RBFOX1: variants seen among roughly 807,000 people sequenced by gnomAD.
The protein encoded by RBFOX1 is RNA binding protein fox-1 homolog 1.
RBFOX1 carries 8 observed loss-of-function variants against 57.7 expected under a neutral mutation model. The ratio of observed to expected loss-of-function variants is 0.14; its 90% CI spans 0.08 to 0.25. The LOEUF (loss-of-function observed/expected upper bound fraction) is 0.25, where lower values mean the gene tolerates loss of function less well. Ranked by LOEUF, RBFOX1 falls within the 10% of genes least tolerant of loss-of-function variation. The probability of loss-of-function intolerance (pLI) is 1.00; values close to 1 mark genes in which losing one functional copy is unlikely to be tolerated. For missense variants in RBFOX1, 611 were observed against 548.5 expected (o/e 1.11, Z -1.14); for synonymous variants, 326 against 222.4 (o/e 1.47, Z -4.15).
At chr16:7,404,430 T>C (rs1017468139) in intron 4 of RBFOX1, among the ~76,000 whole-genome samples, 1 of 152,168 alleles carries the variant, frequency 6.6e-6, no homozygotes, top group Non-Finnish European at 1.5e-5. Context: ...TGACATCCAG[T>C]GATAGCTTCT....
chr16:6,769,659 T>G (rs62016072), intron 3 of RBFOX1, among the ~76,000 whole-genome samples: 13,680 of 152,236 alleles, frequency 0.09, 660 homozygotes, highest in Admixed American at 0.13. Flanking sequence ...AATACGAGTG[T>G]ATCTTCCATA....
At chr16:7,557,802 G>A (rs1241304793) in intron 5 of RBFOX1, among the ~76,000 whole-genome samples, 3 of 151,920 alleles carry the variant, frequency 2.0e-5, no homozygotes, top group African/African-American at 7.3e-5. Context: ...AGGAGCGGGA[G>A]AGGGCTCCAG....
At chr16:5,960,865 A>G (rs1001209744) in intron 4 of RBFOX1, among the ~76,000 whole-genome samples, 2 of 152,198 alleles carry the variant, frequency 1.3e-5, no homozygotes, top group Non-Finnish European at 2.9e-5. Context: ...ATGAAGATCA[A>G]TGGTGTTGAT....
At chr16:6,780,288 TA>T (rs1390709293) in intron 3 of RBFOX1, among the ~76,000 whole-genome samples, 2 of 44,618 alleles carry the variant, frequency 4.5e-5, no homozygotes, top group Non-Finnish European at 6.5e-5. Context: ...TATTTATACA[TA>T]TATATATTTA....
At chr16:5,914,100 G>T (rs777541209) in intron 4 of RBFOX1, among the ~76,000 whole-genome samples, 61 of 152,306 alleles carry the variant, frequency 4.0e-4, no homozygotes, top group Non-Finnish European at 6.9e-4. Context: ...GGACTTTCAA[G>T]CTGTGTTGTC....
intron 3 of RBFOX1, among the ~76,000 whole-genome samples, chr16:5,715,587 G>A (rs763940434): frequency 3.3e-5 from 5 of 152,232 alleles, no homozygotes; most frequent in Non-Finnish European, 5.9e-5. Flanking sequence ...GACATAGAAT[G>A]ATGAAATGTG....
chr16:6,504,533 C>T (rs115357306), intron 2 of RBFOX1, among the ~76,000 whole-genome samples: 1,572 of 152,204 alleles, frequency 0.01, 20 homozygotes, highest in African/African-American at 0.027. Flanking sequence ...CTCAAAGTAA[C>T]AGGGAGCTAG....
chr16:7,216,813 T>A (rs899479591), intron 4 of RBFOX1, among the ~76,000 whole-genome samples: 2 of 152,230 alleles, frequency 1.3e-5, no homozygotes, highest in Non-Finnish European at 2.9e-5. Context: ...TGGTAGTTAC[T>A]GTTTTTTCAC....
At chr16:7,601,890 C>A (rs1008631523) in intron 9 of RBFOX1, among the ~76,000 whole-genome samples, 3 of 152,148 alleles carry the variant, frequency 2.0e-5, no homozygotes, top group Non-Finnish European at 4.4e-5. Context: ...AAAGAATATT[C>A]AGTGAACCCA....
upstream of RBFOX1, among the ~76,000 whole-genome samples, chr16:6,018,119 T>C (rs866580574): frequency 6.8e-6 from 1 of 147,562 alleles, no homozygotes; most frequent in South Asian, 2.1e-4. Flanking sequence ...GACTTTATTG[T>C]ACAACAAAAC....
Position 6,822,889 on chromosome 16 carries a change from A to C in RBFOX1, c.-16+168239A>C, listed in dbSNP as rs139097534. Among the ~76,000 whole-genome samples, 21 of 152,336 alleles carry C rather than the reference A, an allele frequency of 1.4e-4. No homozygotes were observed. In the Middle Eastern group the frequency reaches 0.01, roughly 74 times the overall value. On this transcript the variant is annotated intron_variant, in intron 3 of 15. Transcript: ENST00000550418. ...TGGAACAGTGATTCACATAAAGGGCATGCATTAATATTAACAAGTGCGTGC... is the reference window on the plus strand; with the variant it reads ...TGGAACAGTGATTCACATAAAGGGCCTGCATTAATATTAACAAGTGCGTGC...
Position 6,251,654 on chromosome 16 carries a change from G to A in RBFOX1, c.-126-65341G>A, listed in dbSNP as rs557876041. On this transcript the variant is annotated intron_variant, in intron 1 of 15. Transcript: ENST00000550418. ...AGCAATGCCAGCTAAAACTCTGCTC[G>A]AAGCACAGAGTTTGGTGCATCAGTA... Among the ~76,000 whole-genome samples the A allele has an allele frequency of 1.2e-4, 19 of 152,168 alleles. 2 individuals are homozygous for A. Among genetic ancestry groups the A allele is most frequent in the South Asian group, 1.2e-3 (6 of 4,816 alleles).
intron 3 of RBFOX1, among the ~76,000 whole-genome samples, chr16:5,722,613 C>T (rs963717170): frequency 6.6e-6 from 1 of 152,196 alleles, no homozygotes; most frequent in East Asian, 1.9e-4. Context: ...TGAGTAAGTC[C>T]CCACGGTGGC....
Position 5,525,951 on chromosome 16 carries a change from AGCTACTTAGCATGGCTTC to A in RBFOX1, c.258+58698_258+58715del, listed in dbSNP as rs548014390. ...TGAAGGCAAGCTTCACATCATGTGAAGCTACTTAGCATGGCTTCAGGGAGAGGGGAGCTGGTATCAAGG... is the reference window on the plus strand; with the variant it reads ...TGAAGGCAAGCTTCACATCATGTGAAAGGGAGAGGGGAGCTGGTATCAAGG... On this transcript the variant is annotated intron_variant, in intron 2 of 2. Coordinates refer to the RBFOX1 transcript ENST00000585867. Among the ~76,000 whole-genome samples, 608 of 152,192 alleles carry A rather than the reference AGCTACTTAGCATGGCTTC, an allele frequency of 4.0e-3. 1 individual carries two copies. Among genetic ancestry groups the A allele is most frequent in the African/African-American group, 0.014 (577 of 41,526 alleles).
At chr16:6,711,409 C>A (rs62015887) in intron 3 of RBFOX1, among the ~76,000 whole-genome samples, 7,319 of 152,260 alleles carry the variant, frequency 0.048, 287 homozygotes, top group Non-Finnish European at 0.069. Flanking sequence ...TATGGTTTGA[C>A]TCTGTGTCCC....
intron 2 of RBFOX1, among the ~76,000 whole-genome samples, chr16:6,398,177 G>A (rs1478273923): frequency 6.6e-6 from 1 of 152,092 alleles, no homozygotes; most frequent in Non-Finnish European, 1.5e-5. Context: ...TCACCATCAT[G>A]AGAACAGCAT....
intron 3 of RBFOX1, among the ~76,000 whole-genome samples, chr16:5,808,882 C>T (rs1266515909): frequency 6.6e-6 from 1 of 152,116 alleles, no homozygotes; most frequent in African/African-American, 2.4e-5. Context: ...CAATTTGACT[C>T]CCTGTTTTCC....
chr16:7,125,970 C>A (rs528719929), intron 4 of RBFOX1, among the ~76,000 whole-genome samples: 1 of 152,180 alleles, frequency 6.6e-6, no homozygotes, highest in Admixed American at 6.5e-5. Flanking sequence ...GTAATCCCAG[C>A]TGCTCGGGAG....
intron 1 of RBFOX1, among the ~76,000 whole-genome samples, chr16:6,184,041 A>C (rs987820168): frequency 6.6e-6 from 1 of 152,208 alleles, no homozygotes; most frequent in Non-Finnish European, 1.5e-5. Flanking sequence ...CAGAAGGCAA[A>C]AGGCATGTTT....
Sources: allele counts gnomAD v4.1 joint callset (sites outside exome capture counted in the v4.1 genomes callset), GRCh38; gene constraint gnomAD v4.1.1; transcripts MANE v1.5; gene names NCBI Gene and HGNC (gene_info 2026-07-23, HGNC 2026-07-21).